The following JAM2 variants were observed in gnomAD, a reference collection of about 807,000 sequenced individuals.
The protein encoded by JAM2 is junctional adhesion molecule B.
JAM2 carries 17 observed loss-of-function variants against 42.0 expected under a neutral mutation model. The observed-to-expected ratio is 0.40, with a 90% CI of 0.28 to 0.61. JAM2 has a LOEUF of 0.61. JAM2 is among the 20% of genes least tolerant of loss of function. The probability of loss-of-function intolerance (pLI) is 0.37; values close to 1 mark genes in which losing one functional copy is unlikely to be tolerated. For missense variants in JAM2, 319 were observed against 358.3 expected (o/e 0.89, Z 0.89); for synonymous variants, 118 against 128.6 (o/e 0.92, Z 0.56).
chr21:25,710,124 A>C (rs1398970219), intron 8 of JAM2: 1 of 152,222 alleles, frequency 6.6e-6, no homozygotes, highest in African/African-American at 2.4e-5. Context: ...TACCCAGACA[A>C]GAAATATGGT....
intron 6 of JAM2, 102 bp downstream of exon 6, chr21:25,702,371 T>C (rs936848542): frequency 5.1e-6 from 3 of 592,542 alleles, no homozygotes; most frequent in Non-Finnish European, 8.9e-6. Context: ...TCTGAGTGAC[T>C]TGAAGAATAA....
chr21:25,698,247 A>T (rs931248613), intron 4 of JAM2, among the ~76,000 whole-genome samples: 37 of 152,316 alleles, frequency 2.4e-4, no homozygotes, highest in African/African-American at 8.4e-4. Context: ...ATTTCATGAA[A>T]TCATTAGAGA....
chr21:25,660,759 C>CATATATATATATATACAT (rs2033057390), intron 1 of JAM2, among the ~76,000 whole-genome samples: 1 of 53,450 alleles, frequency 1.9e-5, no homozygotes, highest in African/African-American at 9.3e-5. Context: ...TCACAATAAC[C>CATATATATATATATACAT]ATATATATAT....
intron 1 of JAM2, among the ~76,000 whole-genome samples, chr21:25,678,552 A>G (rs2033553079): frequency 6.6e-6 from 1 of 152,182 alleles, no homozygotes. Context: ...CAAGCAAAAG[A>G]GTTCTTTTGA....
At chr21:25,681,867 A>G (rs1458111281) in intron 1 of JAM2, among the ~76,000 whole-genome samples, 2 of 152,122 alleles carry the variant, frequency 1.3e-5, no homozygotes, top group African/African-American at 4.8e-5. Context: ...CTGTAGTCCC[A>G]GCTACTCCCA....
At chr21:25,685,124 A>G (rs2033720966) in intron 2 of JAM2, among the ~76,000 whole-genome samples, 1 of 152,192 alleles carries the variant, frequency 6.6e-6, no homozygotes, top group Non-Finnish European at 1.5e-5. Flanking sequence ...TTTGAAGGAA[A>G]GAGACAAAGA....
rs1257659436 is a variant in JAM2, at chr21:25,689,940, G to C, written c.208G>C (p.Val70Leu). 6.2e-7 allele frequency: 1 copy of C among 1,613,150 alleles called. No homozygotes were observed. Among genetic ancestry groups the C allele is most frequent in the Non-Finnish European group, 8.5e-7 (1 of 1,179,236 alleles). Residue 70 changes from valine (V) to leucine (L), a missense_variant, in exon 3 of 10, where the codon GTC becomes CTC. By Grantham distance (32) the Val-to-Leu change is conservative (BLOSUM62 1). Transcript: ENST00000480456. ...RLEWKKLGRS[V>L]SFVYYQQTLQ... ...AGAGTGGAAGAAACTGGGTCGGAGT[G>C]TCTCCTTTGTCTACTATCAACAGAC... is the stretch of plus-strand genomic sequence containing the variant.
At position 25,695,172 on chromosome 21, in the gene JAM2, G is replaced by C. The variant is rs1289091999; in HGVS notation, c.394+1264G>C. Among the ~76,000 whole-genome samples, 4 of 152,084 alleles carry C rather than the reference G, an allele frequency of 2.6e-5. No individual in the cohort carries two copies. The South Asian group carries it at 6.2e-4, about 24-fold the overall frequency. On this transcript the variant is annotated intron_variant, in intron 4 of 9. Coordinates refer to ENST00000480456, the MANE Select transcript of JAM2 (RefSeq NM_021219.4). ...CCCTGGGTACTTGAGATTAGGGAGTGGTGATGACTCTTAAGGAGCATGCTG... is the reference window on the plus strand; with the variant it reads ...CCCTGGGTACTTGAGATTAGGGAGTCGTGATGACTCTTAAGGAGCATGCTG...
chr21:25,647,506 T>C (rs928784964), intron 1 of JAM2, among the ~76,000 whole-genome samples: 1 of 152,236 alleles, frequency 6.6e-6, no homozygotes, highest in African/African-American at 2.4e-5. Flanking sequence ...GTAATTAAGG[T>C]ACAACCTAAA....
chr21:25,685,524 CAAA>C (rs776114627), intron 2 of JAM2, among the ~76,000 whole-genome samples: 3 of 50,414 alleles, frequency 6.0e-5, no homozygotes, highest in African/African-American at 1.8e-4. Flanking sequence ...GAGAATGTCT[CAAA>C]AAAAAAAAAA....
intron 1 of JAM2, among the ~76,000 whole-genome samples, chr21:25,647,982 G>A (rs567390441): frequency 5.1e-4 from 77 of 152,292 alleles, no homozygotes; most frequent in African/African-American, 1.6e-3. Flanking sequence ...AGGCCAAGAC[G>A]GGTGGATCAC....
chr21:25,644,577 C>T (rs1600984785), intron 1 of JAM2, among the ~76,000 whole-genome samples: 1 of 152,212 alleles, frequency 6.6e-6, no homozygotes, highest in Non-Finnish European at 1.5e-5. Context: ...ACCTGAGTAA[C>T]TCTGGATAAT....
At chr21:25,664,195 CTAAGT>C (rs1217253102) in intron 1 of JAM2, among the ~76,000 whole-genome samples, 1 of 152,162 alleles carries the variant, frequency 6.6e-6, no homozygotes, top group Non-Finnish European at 1.5e-5. Context: ...TTACTAGTTC[CTAAGT>C]CCATGGCTTG....
chr21:25,698,640 TATAA>T (rs763725151), intron 4 of JAM2, 33 bp from the exon 5 acceptor site: 3 of 1,550,126 alleles, frequency 1.9e-6, no homozygotes, highest in Non-Finnish European at 1.8e-6. Context: ...TTGATTAGCT[TATAA>T]ATAATCAATA....
intron 1 of JAM2, among the ~76,000 whole-genome samples, chr21:25,662,136 T>C (rs1190517814): frequency 6.6e-6 from 1 of 152,084 alleles, no homozygotes; most frequent in African/African-American, 2.4e-5. Flanking sequence ...TAAAACTTAA[T>C]ACTTTTTTTT....
chr21:25,669,372 AAAAAAAAGAAAAAAAAG>A (rs1213031254), intron 1 of JAM2, among the ~76,000 whole-genome samples: 4 of 134,902 alleles, frequency 3.0e-5, no homozygotes, highest in Admixed American at 1.5e-4. Context: ...ACCCTGTCTC[AAAAAAAAGAAAAAAAAG>A]AAAAAAAGAA....
At chr21:25,642,884 A>C (rs1378826831) in intron 1 of JAM2, among the ~76,000 whole-genome samples, 1 of 152,212 alleles carries the variant, frequency 6.6e-6, no homozygotes, top group African/African-American at 2.4e-5. Flanking sequence ...ACAGCTCTGG[A>C]GGCTGAGAAG....
intron 1 of JAM2, among the ~76,000 whole-genome samples, chr21:25,661,787 C>A (rs1208148593): frequency 1.3e-5 from 2 of 152,068 alleles, no homozygotes; most frequent in African/African-American, 4.8e-5. Flanking sequence ...TTCATCACTG[C>A]ACTAAATTCT....
chr21:25,653,500 G>A (rs1319727242), intron 1 of JAM2, among the ~76,000 whole-genome samples: 1 of 152,196 alleles, frequency 6.6e-6, no homozygotes, highest in Non-Finnish European at 1.5e-5. Flanking sequence ...TGTGGCTGGG[G>A]AGGCCTCAGA....
Sources: allele counts gnomAD v4.1 joint callset (sites outside exome capture counted in the v4.1 genomes callset), GRCh38; gene constraint gnomAD v4.1.1; transcripts MANE v1.5; gene names NCBI Gene and HGNC (gene_info 2026-07-23, HGNC 2026-07-21).